HMGCLL1: variants seen among roughly 807,000 people sequenced by gnomAD.
The protein encoded by HMGCLL1 is 3-hydroxymethyl-3-methylglutaryl-CoA lyase, cytoplasmic.
In HMGCLL1, 36 loss-of-function variants were observed where a neutral mutation model predicts 39.1. The ratio of observed to expected loss-of-function variants is 0.92; its 90% CI spans 0.71 to 1.22. The LOEUF (loss-of-function observed/expected upper bound fraction) is 1.22, where lower values mean the gene tolerates loss of function less well. HMGCLL1 is among the 50% of genes most tolerant of loss of function. The pLI is 0.00. For missense variants in HMGCLL1, 451 were observed against 416.5 expected (o/e 1.08, Z -0.72); for synonymous variants, 149 against 144.0 (o/e 1.03, Z -0.25).
chr6:55,597,774 ATAT>A, the HMGCLL1 span, among the ~76,000 whole-genome samples: 4 of 152,320 alleles, frequency 2.6e-5, no homozygotes, highest in Middle Eastern at 3.4e-3. Context: ...GAAAATGGAA[ATAT>A]TATTATGGCC....
intron 3 of HMGCLL1, among the ~76,000 whole-genome samples, chr6:55,520,283 A>G (rs1767973790): frequency 6.7e-6 from 1 of 150,360 alleles, no homozygotes; most frequent in Non-Finnish European, 1.5e-5. Context: ...TAAATAAAAG[A>G]AAAAAAAGGA....
chr6:55,497,773 G>C (rs1219090568), intron 6 of HMGCLL1, among the ~76,000 whole-genome samples: 1 of 152,126 alleles, frequency 6.6e-6, no homozygotes. Context: ...GACCTGAGAA[G>C]AATGTTCTAG....
At chr6:55,532,804 CATA>C (rs201080387) in intron 3 of HMGCLL1, among the ~76,000 whole-genome samples, 18,014 of 70,752 alleles carry the variant, frequency 0.25, 1,192 homozygotes, top group South Asian at 0.29. Flanking sequence ...CTGTCTCAAA[CATA>C]ATAATAATAA....
At chr6:55,620,245 T>C in the HMGCLL1 span, among the ~76,000 whole-genome samples, 1 of 152,124 alleles carries the variant, frequency 6.6e-6, no homozygotes, top group Admixed American at 6.6e-5. Context: ...GTGGTTCTAC[T>C]TTTAGTTTTT....
At chr6:55,480,394 G>A (rs756682063) in intron 7 of HMGCLL1, among the ~76,000 whole-genome samples, 1 of 151,652 alleles carries the variant, frequency 6.6e-6, no homozygotes, top group Non-Finnish European at 1.5e-5. Flanking sequence ...CTGATCATCA[G>A]ACAAATGGAA....
intron 3 of HMGCLL1, among the ~76,000 whole-genome samples, chr6:55,524,952 ACT>A (rs1331930058): frequency 6.7e-6 from 1 of 150,326 alleles, no homozygotes; most frequent in Non-Finnish European, 1.5e-5. Flanking sequence ...AATACTAATT[ACT>A]ATTACTATTA....
intron 4 of HMGCLL1, among the ~76,000 whole-genome samples, chr6:55,515,402 T>C (rs1728501989): frequency 2.0e-5 from 3 of 152,200 alleles, no homozygotes; most frequent in African/African-American, 7.2e-5. Flanking sequence ...GAACATCTAC[T>C]ATTTGTCTGT....
chr6:55,563,997 T>C (rs982267134), intron 1 of HMGCLL1: 10 of 577,028 alleles, frequency 1.7e-5, no homozygotes, highest in Non-Finnish European at 2.7e-5. Context: ...GTGCAGTTTT[T>C]TGAAATGCTA....
chr6:55,488,215 GAC>G (rs1482577488), intron 7 of HMGCLL1, among the ~76,000 whole-genome samples: 11 of 152,020 alleles, frequency 7.2e-5, no homozygotes, highest in Non-Finnish European at 1.5e-4. Context: ...ATTAGAAAAA[GAC>G]ACAATTTTTA....
the HMGCLL1 span, among the ~76,000 whole-genome samples, chr6:55,650,854 C>T: frequency 6.6e-6 from 1 of 151,936 alleles, no homozygotes; most frequent in Non-Finnish European, 1.5e-5. Context: ...GCCAGGCCAC[C>T]ACGAATTTTT....
intron 1 of HMGCLL1, among the ~76,000 whole-genome samples, chr6:55,554,310 T>C (rs1320650458): frequency 2.0e-5 from 3 of 152,152 alleles, no homozygotes; most frequent in Non-Finnish European, 4.4e-5. Context: ...GGGAGTTTCT[T>C]TGTAACTTCA....
At chr6:55,492,982 G>A (rs559565162) in intron 7 of HMGCLL1, among the ~76,000 whole-genome samples, 1 of 151,564 alleles carries the variant, frequency 6.6e-6, no homozygotes. Flanking sequence ...CACGTGCACA[G>A]AAACACACAG....
chr6:55,534,946 G>A (rs9357866), intron 3 of HMGCLL1, among the ~76,000 whole-genome samples: 4 of 152,242 alleles, frequency 2.6e-5, no homozygotes, highest in Non-Finnish European at 4.4e-5. Context: ...ACGTTAGACC[G>A]ATTGAAGCAA....
chr6:55,563,118 C>T (rs149981642), intron 1 of HMGCLL1, among the ~76,000 whole-genome samples: 1 of 152,056 alleles, frequency 6.6e-6, no homozygotes, highest in East Asian at 1.9e-4. Context: ...TATATAAAAA[C>T]ATATTTACAA....
intron 7 of HMGCLL1, among the ~76,000 whole-genome samples, chr6:55,476,318 A>G (rs909151293): frequency 2.0e-5 from 3 of 151,672 alleles, no homozygotes; most frequent in African/African-American, 7.3e-5. Flanking sequence ...CCATATTTTA[A>G]TAATATTGCA....
At chr6:55,662,706 G>T in the HMGCLL1 span, among the ~76,000 whole-genome samples, 1 of 151,838 alleles carries the variant, frequency 6.6e-6, no homozygotes, top group Non-Finnish European at 1.5e-5. Flanking sequence ...GAATGAGTTA[G>T]GGAGGAGTCC....
At chr6:55,662,944 T>G in the HMGCLL1 span, among the ~76,000 whole-genome samples, 6 of 151,706 alleles carry the variant, frequency 4.0e-5, no homozygotes, top group African/African-American at 1.4e-4. Context: ...TGAGTTTATA[T>G]ATCTCTTCTA....
the HMGCLL1 span, among the ~76,000 whole-genome samples, chr6:55,660,725 A>G: frequency 6.6e-6 from 1 of 151,942 alleles, no homozygotes; most frequent in Non-Finnish European, 1.5e-5. Context: ...TCCTTTGGGT[A>G]TATAACCTGT....
chr6:55,480,073 C>T (rs559597213), intron 7 of HMGCLL1, among the ~76,000 whole-genome samples: 15 of 151,654 alleles, frequency 9.9e-5, no homozygotes, highest in Admixed American at 2.6e-4. Flanking sequence ...GATTTGTCTT[C>T]CTTGAGTAAT....
Sources: gnomAD v4.1 joint callset for allele counts (sites outside exome capture counted in the v4.1 genomes callset) on GRCh38, gnomAD v4.1.1 for gene constraint, MANE v1.5 for transcripts, NCBI Gene and HGNC (gene_info 2026-07-23, HGNC 2026-07-21) for gene names.